The following CAMTA1 variants were observed in gnomAD, a reference collection of about 807,000 sequenced individuals.
CAMTA1 encodes calmodulin binding transcription activator 1.
CAMTA1 carries 27 observed loss-of-function variants against 170.9 expected under a neutral mutation model. The observed-to-expected ratio is 0.16, with a 90% CI of 0.12 to 0.22. The LOEUF is 0.22. CAMTA1 is among the 10% of genes least tolerant of loss of function. The pLI, the probability that CAMTA1 is intolerant of heterozygous loss-of-function variation, is 1.00. For synonymous variants in CAMTA1, 833 were observed against 891.5 expected, an observed-to-expected ratio of 0.93 and a Z score of 1.17; for missense variants, 1,619 against 2,217.2, an observed-to-expected ratio of 0.73 and a Z score of 5.42.
intron 11 of CAMTA1, among the ~76,000 whole-genome samples, chr1:7,692,692 C>T (rs1359782755): frequency 3.9e-5 from 6 of 152,168 alleles, no homozygotes; most frequent in Non-Finnish European, 8.8e-5. Flanking sequence ...TGAAGCCTCC[C>T]AGCACCCAGC....
At chr1:7,147,418 C>T (rs571256297) in intron 4 of CAMTA1, among the ~76,000 whole-genome samples, 11 of 100,070 alleles carry the variant, frequency 1.1e-4, no homozygotes, top group Admixed American at 9.8e-4. Flanking sequence ...AGCGAGACTC[C>T]GTCTCAAAAA....
At chr1:7,637,157 C>A (rs888920209) in intron 6 of CAMTA1, among the ~76,000 whole-genome samples, 3 of 152,232 alleles carry the variant, frequency 2.0e-5, no homozygotes, top group Admixed American at 1.3e-4. Context: ...AGGGCCTTTG[C>A]CCCACAAGAC....
intron 3 of CAMTA1, among the ~76,000 whole-genome samples, chr1:7,001,093 G>C (rs888126873): frequency 1.3e-5 from 2 of 152,146 alleles, no homozygotes; most frequent in Admixed American, 1.3e-4. Flanking sequence ...ATGGTGATGG[G>C]AGAAAATTTG....
intron 3 of CAMTA1, among the ~76,000 whole-genome samples, chr1:6,969,469 A>C (rs1692167225): frequency 6.6e-6 from 1 of 152,114 alleles, no homozygotes; most frequent in Non-Finnish European, 1.5e-5. Flanking sequence ...CCTCCCCCGG[A>C]TGATCACATC....
chr1:7,269,295 G>C (rs1440181633), intron 5 of CAMTA1, among the ~76,000 whole-genome samples: 2 of 152,260 alleles, frequency 1.3e-5, no homozygotes, highest in African/African-American at 4.8e-5. Flanking sequence ...TTAGCTGACT[G>C]TTGGGCACAG....
chr1:6,941,898 C>T (rs1036218620), intron 3 of CAMTA1, among the ~76,000 whole-genome samples: 3 of 152,126 alleles, frequency 2.0e-5, no homozygotes, highest in Non-Finnish European at 4.4e-5. Flanking sequence ...GAGGTGGGAG[C>T]CTTGGCTTGG....
chr1:7,064,043 A>G lies in CAMTA1; in HGVS notation c.235-27261A>G, dbSNP rs887729444. Among the ~76,000 whole-genome samples the G allele has an allele frequency of 4.6e-5, 7 of 152,026 alleles. No individual in the cohort carries two copies. The highest frequency in any genetic ancestry group is 4.6e-4 in the Admixed American group (7 of 15,266). On this transcript the variant is annotated intron_variant, in intron 3 of 22. Coordinates refer to ENST00000303635, the MANE Select transcript of CAMTA1 (RefSeq NM_015215.4). This position sits in a 1 kb window ranked among gnomAD's most constrained non-coding sequence, Gnocchi z 5.4. ...GGCTGCCAGGTGGCTGCCTTCTCAT[A>G]TGGTGGGAGCCTTTGCCTTCACCTT...
intron 6 of CAMTA1, among the ~76,000 whole-genome samples, chr1:7,598,979 A>G (rs993579108): frequency 6.6e-6 from 1 of 152,112 alleles, no homozygotes; most frequent in African/African-American, 2.4e-5. Flanking sequence ...TTTTGTTGCC[A>G]TTGCTTTTGG....
At position 7,685,435 on chromosome 1, in the gene CAMTA1, C is replaced by G. The variant is rs557511832; in HGVS notation, c.2914+7702C>G. Among the ~76,000 whole-genome samples the G allele has an allele frequency of 1.3e-5, 2 of 152,316 alleles. No homozygotes were observed. The highest frequency in any genetic ancestry group is 2.9e-5 in the Non-Finnish European group (2 of 68,016). On this transcript the variant is annotated intron_variant, in intron 11 of 22. Coordinates refer to ENST00000303635, the MANE Select transcript of CAMTA1 (RefSeq NM_015215.4). This position sits in a 1 kb window ranked among gnomAD's most constrained non-coding sequence, Gnocchi z 5.7. The stretch of plus-strand genomic sequence containing the variant: ...GCTCCTGCCGAGACCACAGCACATC[C>G]CTGTGGACCCCACGGCCTGATTGTC...
At chr1:7,644,296 T>C (rs2095788497) in intron 7 of CAMTA1, among the ~76,000 whole-genome samples, 1 of 152,122 alleles carries the variant, frequency 6.6e-6, no homozygotes, top group Admixed American at 6.5e-5. Context: ...TGAGGAATGC[T>C]TCCTTCAGAT....
intron 4 of CAMTA1, among the ~76,000 whole-genome samples, chr1:7,110,128 A>T (rs886703196): frequency 6.6e-6 from 1 of 152,072 alleles, no homozygotes; most frequent in Non-Finnish European, 1.5e-5. Flanking sequence ...GCTCCAGGTG[A>T]TGGCTTAATT....
At chr1:7,045,169 C>T (rs970795994) in intron 3 of CAMTA1, among the ~76,000 whole-genome samples, 1 of 152,110 alleles carries the variant, frequency 6.6e-6, no homozygotes, top group Non-Finnish European at 1.5e-5. Flanking sequence ...CTAATATCAT[C>T]CCCACGTTTT....
rs1429025102 is a variant in CAMTA1 at position 7,021,653 on chromosome 1, G to C, written c.235-69651G>C. On this transcript the variant is annotated intron_variant, in intron 3 of 22. Transcript: ENST00000303635. ...ATTGCGGTGACAGTTTCCCAGGCAT[G>C]CGCATGTGTCAAAACTTAGTGTTGC... Among the ~76,000 whole-genome samples, 5 of 152,332 alleles carry C rather than the reference G, an allele frequency of 3.3e-5. No individual in the cohort carries two copies. The East Asian group carries it at 9.6e-4, about 29-fold the overall frequency.
chr1:7,536,719 C>T (rs1457518381), intron 6 of CAMTA1, among the ~76,000 whole-genome samples: 4 of 152,138 alleles, frequency 2.6e-5, no homozygotes, highest in East Asian at 1.9e-4. Flanking sequence ...GCTTTCTGCA[C>T]GGCAGGCGCG....
At chr1:7,545,848 C>G (rs191478571) in intron 6 of CAMTA1, among the ~76,000 whole-genome samples, 1 of 152,142 alleles carries the variant, frequency 6.6e-6, no homozygotes, top group Non-Finnish European at 1.5e-5. Flanking sequence ...TCCCCACCCC[C>G]ACCACCAGGC....
intron 6 of CAMTA1, among the ~76,000 whole-genome samples, chr1:7,604,145 C>T (rs1043111269): frequency 6.6e-6 from 1 of 152,164 alleles, no homozygotes; most frequent in African/African-American, 2.4e-5. Flanking sequence ...TTTGATGAAT[C>T]TGACAATTAT....
intron 3 of CAMTA1, among the ~76,000 whole-genome samples, chr1:6,883,188 C>T (rs559024320): frequency 1.3e-5 from 2 of 152,236 alleles, no homozygotes; most frequent in South Asian, 2.1e-4. Context: ...GCCACCGCGC[C>T]CGGACAAGGA....
chr1:7,294,635 A>G (rs1192187196), intron 5 of CAMTA1, among the ~76,000 whole-genome samples: 3 of 152,212 alleles, frequency 2.0e-5, no homozygotes, highest in Non-Finnish European at 4.4e-5. Flanking sequence ...TGTCAGTGAC[A>G]CAGCATTCTG....
intron 3 of CAMTA1, among the ~76,000 whole-genome samples, chr1:7,079,734 A>G (rs1639770855): frequency 6.6e-6 from 1 of 152,140 alleles, no homozygotes; most frequent in African/African-American, 2.4e-5. Context: ...CGGCCTCCCA[A>G]AGTGCTGGAA....
Sources: allele counts gnomAD v4.1 joint callset (sites outside exome capture counted in the v4.1 genomes callset), GRCh38; gene constraint gnomAD v4.1.1; non-coding constraint Gnocchi (gnomAD v3.1); transcripts MANE v1.5; gene names NCBI Gene and HGNC (gene_info 2026-07-23, HGNC 2026-07-21).